Variants in COL19A1 observed in about 807,000 individuals in gnomAD.
The protein encoded by COL19A1 is collagen alpha-1(XIX) chain.
In COL19A1, 159 loss-of-function variants were observed where a neutral mutation model predicts 190.2. The observed-to-expected ratio is 0.84, with a 90% CI of 0.73 to 0.95. The LOEUF (loss-of-function observed/expected upper bound fraction) is 0.95. Among genes scored for constraint, COL19A1 ranks in the 40% least tolerant of loss-of-function variants. The probability of loss-of-function intolerance (pLI) is 0.00; values close to 1 mark genes in which losing one functional copy is unlikely to be tolerated. For synonymous variants in COL19A1, 509 were observed against 458.9 expected, an observed-to-expected ratio of 1.11 and a Z score of -1.39; for missense variants, 1,418 against 1,431.9, an observed-to-expected ratio of 0.99 and a Z score of 0.16.
At chr6:70,080,235 TA>T (rs1782162356) in intron 15 of COL19A1, among the ~76,000 whole-genome samples, 1 of 152,196 alleles carries the variant, frequency 6.6e-6, no homozygotes, top group South Asian at 2.1e-4. Context: ...TTCAGGCCAA[TA>T]GATACACCTA....
At chr6:70,193,759 A>G (rs1278859052) in intron 48 of COL19A1, among the ~76,000 whole-genome samples, 2 of 152,224 alleles carry the variant, frequency 1.3e-5, no homozygotes, top group African/African-American at 4.8e-5. Flanking sequence ...CCTGAAACCC[A>G]GAATTTAGTT....
intron 18 of COL19A1, among the ~76,000 whole-genome samples, chr6:70,131,625 G>A (rs1157044025): frequency 1.3e-5 from 2 of 151,978 alleles, no homozygotes; most frequent in African/African-American, 2.4e-5. Flanking sequence ...CATAACCAAC[G>A]CATTACATTT....
At chr6:69,976,746 A>G (rs1186145715) in intron 11 of COL19A1, among the ~76,000 whole-genome samples, 1 of 152,206 alleles carries the variant, frequency 6.6e-6, no homozygotes, top group Non-Finnish European at 1.5e-5. Flanking sequence ...AAAACCAGTG[A>G]CCACCAGAGA....
intron 48 of COL19A1, among the ~76,000 whole-genome samples, chr6:70,192,781 C>T (rs1398030636): frequency 6.6e-6 from 1 of 152,284 alleles, no homozygotes; most frequent in East Asian, 1.9e-4. Context: ...TATGTGACTG[C>T]ATAGGTAGCC....
At chr6:70,190,225 G>GT in intron 47 of COL19A1, 90 bp from the exon 48 acceptor site, 1 of 987,070 alleles carries the variant, frequency 1.0e-6, no homozygotes, top group Non-Finnish European at 1.5e-6. Context: ...CCCTACAGAA[G>GT]TTTCAAATAG....
chr6:69,888,754 G>T (rs1230039526), intron 2 of COL19A1, among the ~76,000 whole-genome samples: 5 of 147,080 alleles, frequency 3.4e-5, no homozygotes, highest in Non-Finnish European at 7.4e-5. Flanking sequence ...CTCCATCCTG[G>T]TCGACAGAGT....
chr6:70,122,413 GT>G (rs3840402), intron 17 of COL19A1, among the ~76,000 whole-genome samples: 109,841 of 151,870 alleles, frequency 0.72, 40,461 homozygotes, highest in African/African-American at 0.86. Context: ...TTTCCCCACG[GT>G]TTTTTTTAAA....
intron 16 of COL19A1, among the ~76,000 whole-genome samples, chr6:70,106,518 T>G (rs1325037177): frequency 6.6e-6 from 1 of 152,206 alleles, no homozygotes; most frequent in African/African-American, 2.4e-5. Flanking sequence ...ATCACTCCAA[T>G]TTAGCTTAAC....
intron 11 of COL19A1, among the ~76,000 whole-genome samples, chr6:69,967,922 C>T (rs1180086925): frequency 2.1e-5 from 3 of 141,056 alleles, no homozygotes; most frequent in South Asian, 2.2e-4. Flanking sequence ...TATAACGTAG[C>T]GTAAAGTACA....
In COL19A1 at chr6:70,142,092, C is replaced by T. The variant is rs754869559; in HGVS notation, c.1572+16C>T. On this transcript the variant is annotated intron_variant, in intron 22 of 50. Coordinates refer to ENST00000620364, the MANE Select transcript of COL19A1 (RefSeq NM_001858.6). ...AGGACTAAAGGTATATAAGAAATAA[C>T]TAAGATTTCTTGGGAAATAATTTGG... is the stretch of plus-strand genomic sequence containing the variant. 6 of 1,604,212 alleles carry T rather than the reference C, an allele frequency of 3.7e-6. No individual in the cohort carries two copies. Among genetic ancestry groups the T allele is most frequent in the Non-Finnish European group, 5.1e-6 (6 of 1,173,534 alleles).
intron 15 of COL19A1, among the ~76,000 whole-genome samples, chr6:70,097,152 C>A (rs1783325773): frequency 6.6e-6 from 1 of 151,912 alleles, no homozygotes. Flanking sequence ...GTTTATAAAT[C>A]AAAAGTCTAA....
At chr6:69,885,847 T>C (rs1768887066) in intron 2 of COL19A1, among the ~76,000 whole-genome samples, 1 of 149,056 alleles carries the variant, frequency 6.7e-6, no homozygotes, top group African/African-American at 2.4e-5. Flanking sequence ...TTGGATAAAA[T>C]GTCTAAATGT....
intron 9 of COL19A1, among the ~76,000 whole-genome samples, chr6:69,943,077 A>G (rs185474439): frequency 1.3e-5 from 2 of 152,132 alleles, no homozygotes; most frequent in East Asian, 1.9e-4. Flanking sequence ...GGTCATTTAG[A>G]TAATAGCCAT....
chr6:70,141,910 A>G lies in COL19A1; in HGVS notation c.1500A>G (p.Ile500Met). 1 of 1,599,308 alleles carries G rather than the reference A, an allele frequency of 6.3e-7. No homozygotes were observed. Among genetic ancestry groups the G allele is most frequent in the Non-Finnish European group, 8.6e-7 (1 of 1,166,974 alleles). ...ATTTACAGGGAGAACCTGGGGTAAT[A>G]GGATCACAGGGAGTAAAGGTAATTT... The part of the protein sequence containing the change: ...EKGDRGEPGV[I>M]GSQGVKGEPG... Residue 500 changes from isoleucine (I) to methionine (M), a missense_variant, in exon 21 of 51, where the codon ATA becomes ATG. Transcript: ENST00000620364.
At chr6:70,133,800 T>C (rs919237270) in intron 18 of COL19A1, among the ~76,000 whole-genome samples, 9 of 152,280 alleles carry the variant, frequency 5.9e-5, no homozygotes, top group Admixed American at 1.3e-4. Flanking sequence ...CAAACCCATA[T>C]GTGTCTAAGG....
chr6:70,006,966 G>C (rs1582668582), intron 11 of COL19A1, among the ~76,000 whole-genome samples: 1 of 151,982 alleles, frequency 6.6e-6, no homozygotes, highest in Admixed American at 6.6e-5. Flanking sequence ...AACTAAAATA[G>C]CATGCTAAAA....
At chr6:70,024,680 A>G (rs775573373) in intron 12 of COL19A1, among the ~76,000 whole-genome samples, 3 of 151,518 alleles carry the variant, frequency 2.0e-5, no homozygotes, top group Non-Finnish European at 4.4e-5. Flanking sequence ...ATAGTAGTTA[A>G]TGTTTCTATG....
intron 9 of COL19A1, among the ~76,000 whole-genome samples, chr6:69,938,864 A>G (rs1773279579): frequency 6.6e-6 from 1 of 152,150 alleles, no homozygotes; most frequent in South Asian, 2.1e-4. Flanking sequence ...TCAGCTAATC[A>G]GGTAAATGAA....
chr6:70,001,758 A>G (rs975392823), intron 11 of COL19A1, among the ~76,000 whole-genome samples: 1 of 152,150 alleles, frequency 6.6e-6, no homozygotes, highest in African/African-American at 2.4e-5. Context: ...TGGCTTAAGG[A>G]GTTTTTGCGC....
Sources: gnomAD v4.1 joint callset for allele counts (sites outside exome capture counted in the v4.1 genomes callset) on GRCh38, gnomAD v4.1.1 for gene constraint, MANE v1.5 for transcripts, NCBI Gene and HGNC (gene_info 2026-07-23, HGNC 2026-07-21) for gene names.